WASF2: variants seen among roughly 807,000 people sequenced by gnomAD.
WASF2 encodes actin-binding protein WASF2.
WASF2 carries 14 observed loss-of-function variants against 45.0 expected under a neutral mutation model. That is an observed-to-expected ratio of 0.31 (90% CI 0.21 to 0.49). The LOEUF is 0.49. Ranked by LOEUF, WASF2 falls within the 20% of genes least tolerant of loss-of-function variation. The probability of loss-of-function intolerance (pLI) is 0.99; values close to 1 mark genes in which losing one functional copy is unlikely to be tolerated. For missense variants in WASF2, 439 were observed against 636.1 expected, an observed-to-expected ratio of 0.69 and a Z score of 3.33; for synonymous variants, 200 against 236.3, an observed-to-expected ratio of 0.85 and a Z score of 1.41.
Position 27,468,921 on chromosome 1 carries a change from CAAAAAA to C in WASF2, c.-44+21059_-44+21064del, listed in dbSNP as rs71010356. Among the ~76,000 whole-genome samples the C allele has an allele frequency of 4.6e-4, 36 of 77,800 alleles. 1 individual carries two copies. In the South Asian group the frequency reaches 7.2e-3, roughly 15 times the overall value. 51.0% of individuals were successfully genotyped at this position (77,800 alleles called of 152,430 possible). On this transcript the variant is annotated intron_variant, in intron 1 of 8. Transcript: ENST00000618852. ...CTGGCAACAGAGTGGGACTCTGTCT[CAAAAAA>C]AAAAAAAAAAAAAGGAGACATAGAA...
chr1:27,454,135 A>G (rs1305132966), intron 1 of WASF2, among the ~76,000 whole-genome samples: 1 of 37,976 alleles, frequency 2.6e-5, no homozygotes, highest in African/African-American at 9.9e-5. Context: ...GTATATATAT[A>G]TGTGTGTGTG....
chr1:27,416,466 G>A (rs1265176737), intron 4 of WASF2, among the ~76,000 whole-genome samples: 4 of 152,120 alleles, frequency 2.6e-5, no homozygotes, highest in Admixed American at 2.6e-4. Context: ...TTCTACCACT[G>A]GTTCCTCTTT....
At position 27,478,146 on chromosome 1, in the gene WASF2, G is replaced by A. The variant is rs530007914; in HGVS notation, c.-44+11840C>T. On this transcript the variant is annotated intron_variant, in intron 1 of 8. Coordinates refer to ENST00000618852, the MANE Select transcript of WASF2 (RefSeq NM_006990.5). Reference sequence around the variant, plus strand: ...AACTGCTTGAACCCGGGAGGCAGAGGTTGCAGCGAGCCGAGATCCTGCCAC... The same window carrying A: ...AACTGCTTGAACCCGGGAGGCAGAGATTGCAGCGAGCCGAGATCCTGCCAC... Among the ~76,000 whole-genome samples the A allele has an allele frequency of 5.4e-5, 8 of 149,466 alleles. No homozygotes were observed. In the South Asian group the frequency reaches 1.3e-3, roughly 24 times the overall value.
intron 1 of WASF2, among the ~76,000 whole-genome samples, chr1:27,486,982 C>A (rs2017937047): frequency 6.8e-6 from 1 of 146,050 alleles, no homozygotes; most frequent in Admixed American, 6.9e-5. Context: ...TATATATAAT[C>A]TATATATTTA....
chr1:27,483,338 C>T (rs1571169443), intron 1 of WASF2, among the ~76,000 whole-genome samples: 1 of 152,238 alleles, frequency 6.6e-6, no homozygotes, highest in East Asian at 1.9e-4. Context: ...GGCATGGTGG[C>T]ACATGCCTGT....
intron 1 of WASF2, among the ~76,000 whole-genome samples, chr1:27,439,766 G>A (rs1248136923): frequency 4.0e-5 from 6 of 151,546 alleles, no homozygotes; most frequent in Non-Finnish European, 5.9e-5. Flanking sequence ...TTGGGAGGCC[G>A]AGGTGGAGGA....
At chr1:27,476,503 G>A (rs762786475) in intron 1 of WASF2, among the ~76,000 whole-genome samples, 21 of 151,872 alleles carry the variant, frequency 1.4e-4, no homozygotes, top group Non-Finnish European at 2.4e-4. Context: ...CCAACACTGG[G>A]TATTACATTT....
intron 1 of WASF2, among the ~76,000 whole-genome samples, chr1:27,476,486 C>T (rs1362883490): frequency 6.6e-6 from 1 of 152,094 alleles, no homozygotes; most frequent in African/African-American, 2.4e-5. Flanking sequence ...CCTACCAGGC[C>T]CCATCTCCAA....
intron 1 of WASF2, among the ~76,000 whole-genome samples, chr1:27,481,322 T>C (rs1325425019): frequency 2.6e-5 from 4 of 151,276 alleles, no homozygotes; most frequent in Non-Finnish European, 5.9e-5. Context: ...AACGCATGTG[T>C]GTATACACAT....
chr1:27,467,922 T>C (rs2017638101), intron 1 of WASF2, among the ~76,000 whole-genome samples: 1 of 151,792 alleles, frequency 6.6e-6, no homozygotes. Flanking sequence ...TTCTTATCTT[T>C]TTAATGTGCC....
chr1:27,411,054 C>G (rs774594979), intron 7 of WASF2, among the ~76,000 whole-genome samples: 2 of 152,190 alleles, frequency 1.3e-5, no homozygotes, highest in Non-Finnish European at 2.9e-5. Context: ...CTGCATCTGA[C>G]AGGGCCACCA....
Position 27,414,537 on chromosome 1 carries a change from A to G in WASF2, c.668+296T>C, listed in dbSNP as rs999014815. 6.6e-6 allele frequency among the ~76,000 whole-genome samples: 1 copy of G among 152,092 alleles called. No homozygotes were observed. Among genetic ancestry groups the G allele is most frequent in the African/African-American group, 2.4e-5 (1 of 41,406 alleles). On this transcript the variant is annotated intron_variant, in intron 6 of 8. Transcript: ENST00000618852. The surrounding 1 kb of genome is among the most constrained non-coding windows in gnomAD (Gnocchi z 4.1). ...CCAAGACCACTTTTCTTCCCTTTCCAATCTTTCCTCTGGGGCCCTTAGATG... is the reference window on the plus strand; with the variant it reads ...CCAAGACCACTTTTCTTCCCTTTCCGATCTTTCCTCTGGGGCCCTTAGATG...
chr1:27,473,214 C>T (rs1401270610), intron 1 of WASF2, among the ~76,000 whole-genome samples: 1 of 151,936 alleles, frequency 6.6e-6, no homozygotes, highest in African/African-American at 2.4e-5. Flanking sequence ...AGAGCGGTGG[C>T]TCATGCCTCT....
intron 1 of WASF2, among the ~76,000 whole-genome samples, chr1:27,461,951 C>G (rs1251638989): frequency 1.3e-5 from 2 of 151,518 alleles, no homozygotes; most frequent in African/African-American, 2.4e-5. Flanking sequence ...TCTGAGCTAC[C>G]ACACACGGCC....
chr1:27,457,759 T>G (rs1349748539), intron 1 of WASF2, among the ~76,000 whole-genome samples: 1 of 151,946 alleles, frequency 6.6e-6, no homozygotes, highest in African/African-American at 2.4e-5. Context: ...TAGTTAAGAC[T>G]ATAGGTGTGA....
intron 1 of WASF2, among the ~76,000 whole-genome samples, chr1:27,475,605 C>A (rs2017755119): frequency 1.3e-5 from 2 of 152,062 alleles, no homozygotes; most frequent in African/African-American, 4.8e-5. Context: ...ACATCACAAT[C>A]TTTAACTTTT....
At chr1:27,416,309 C>T (rs1446188110) in intron 4 of WASF2, among the ~76,000 whole-genome samples, 1 of 152,198 alleles carries the variant, frequency 6.6e-6, no homozygotes, top group Admixed American at 6.5e-5. Context: ...AGAACCTTAG[C>T]CTTACTTTCA....
At chr1:27,449,938 G>A (rs1008472594) in intron 1 of WASF2, among the ~76,000 whole-genome samples, 9 of 152,256 alleles carry the variant, frequency 5.9e-5, no homozygotes, top group East Asian at 5.8e-4. Flanking sequence ...GAGGTCAGGA[G>A]TTCGAGACCA....
At chr1:27,441,007 C>G (rs967759378) in intron 1 of WASF2, among the ~76,000 whole-genome samples, 2 of 152,014 alleles carry the variant, frequency 1.3e-5, no homozygotes, top group Non-Finnish European at 2.9e-5. Flanking sequence ...GCTGGGACCA[C>G]AGGCACATGC....
Sources: gnomAD v4.1 joint callset for allele counts (sites outside exome capture counted in the v4.1 genomes callset) on GRCh38, gnomAD v4.1.1 for gene constraint, Gnocchi (gnomAD v3.1) non-coding constraint, MANE v1.5 for transcripts, NCBI Gene and HGNC (gene_info 2026-07-23, HGNC 2026-07-21) for gene names.